Variants in NRXN3 observed in about 807,000 individuals in gnomAD.
The protein encoded by NRXN3 is neurexin 3.
Under a neutral mutation model 137.6 loss-of-function variants are expected in NRXN3, and 32 were observed. The ratio of observed to expected loss-of-function variants is 0.23; its 90% CI spans 0.18 to 0.31. The LOEUF (loss-of-function observed/expected upper bound fraction) is 0.31, where lower values mean the gene tolerates loss of function less well. Among genes scored for constraint, NRXN3 ranks in the 10% least tolerant of loss-of-function variants. NRXN3 has a pLI of 1.00. For missense variants in NRXN3, 1,574 were observed against 2,062.5 expected, an observed-to-expected ratio of 0.76 and a Z score of 4.59; for synonymous variants, 798 against 784.5, an observed-to-expected ratio of 1.02 and a Z score of -0.29.
chr14:78,808,250 G>A (rs1039138641), intron 9 of NRXN3, among the ~76,000 whole-genome samples: 8 of 152,138 alleles, frequency 5.3e-5, no homozygotes, highest in Non-Finnish European at 7.4e-5. Context: ...TTTAAAGACC[G>A]CATCCACTTT....
At chr14:78,231,917 T>C (rs1305378628) in intron 1 of NRXN3, among the ~76,000 whole-genome samples, 1 of 152,186 alleles carries the variant, frequency 6.6e-6, no homozygotes, top group African/African-American at 2.4e-5. Flanking sequence ...AAGGACCAAA[T>C]TGTCATGGGT....
At chr14:79,208,275 A>C (rs1314105292) in intron 15 of NRXN3, among the ~76,000 whole-genome samples, 2 of 152,208 alleles carry the variant, frequency 1.3e-5, no homozygotes, top group Admixed American at 6.5e-5. Flanking sequence ...AATCCAGGAC[A>C]GTTCCTGCAT....
intron 15 of NRXN3, among the ~76,000 whole-genome samples, chr14:79,256,879 G>T (rs1003567080): frequency 3.9e-5 from 6 of 152,302 alleles, no homozygotes; most frequent in Admixed American, 1.3e-4. Flanking sequence ...ATGTGTGTCT[G>T]TGTGCACATG....
At chr14:78,193,609 A>G (rs1313321145) in intron 1 of NRXN3, among the ~76,000 whole-genome samples, 4 of 152,078 alleles carry the variant, frequency 2.6e-5, no homozygotes. Flanking sequence ...TAAAAATACA[A>G]AAATTAGCTG....
intron 4 of NRXN3, among the ~76,000 whole-genome samples, chr14:78,324,891 A>C (rs1275005785): frequency 6.6e-6 from 1 of 151,684 alleles, no homozygotes; most frequent in Non-Finnish European, 1.5e-5. Flanking sequence ...AGGTGAGAAG[A>C]CCCAATTTGG....
chr14:78,952,322 G>A (rs1217896939), intron 10 of NRXN3, among the ~76,000 whole-genome samples: 3 of 152,118 alleles, frequency 2.0e-5, no homozygotes, highest in Admixed American at 2.0e-4. Flanking sequence ...ATCTCTGTTG[G>A]GTTAGACACC....
intron 4 of NRXN3, among the ~76,000 whole-genome samples, chr14:78,427,855 G>A (rs2093721481): frequency 6.6e-6 from 1 of 152,150 alleles, no homozygotes; most frequent in Admixed American, 6.5e-5. Context: ...TTAGCCAGAG[G>A]CATTTCCTGA....
chr14:79,462,100 G>A (rs746584991), intron 15 of NRXN3, among the ~76,000 whole-genome samples: 1 of 152,174 alleles, frequency 6.6e-6, no homozygotes, highest in Non-Finnish European at 1.5e-5. Flanking sequence ...GAGGCCGGGT[G>A]TGGTGGCTCA....
At chr14:78,995,250 G>A (rs1325963485) in intron 15 of NRXN3, among the ~76,000 whole-genome samples, 4 of 152,158 alleles carry the variant, frequency 2.6e-5, no homozygotes, top group Admixed American at 2.6e-4. Context: ...ACACTCAGAT[G>A]AGGCCATTTA....
intron 16 of NRXN3, among the ~76,000 whole-genome samples, chr14:79,509,891 A>G (rs1208595370): frequency 6.6e-6 from 1 of 152,182 alleles, no homozygotes; most frequent in Non-Finnish European, 1.5e-5. Flanking sequence ...AACAAGACCA[A>G]AAAACAACAA....
At chr14:79,084,649 T>G (rs918131632) in intron 15 of NRXN3, among the ~76,000 whole-genome samples, 28 of 152,258 alleles carry the variant, frequency 1.8e-4, no homozygotes, top group Middle Eastern at 6.8e-3. Flanking sequence ...GCATTCAGGG[T>G]GATAGGTAAA....
intron 4 of NRXN3, among the ~76,000 whole-genome samples, chr14:78,569,428 G>A (rs764115686): frequency 6.6e-6 from 1 of 151,544 alleles, no homozygotes; most frequent in African/African-American, 2.4e-5. Flanking sequence ...ACCACGCCCA[G>A]CTAATTTTTT....
intron 14 of NRXN3, among the ~76,000 whole-genome samples, chr14:78,977,663 A>G (rs2099472803): frequency 6.6e-6 from 1 of 152,118 alleles, no homozygotes; most frequent in South Asian, 2.1e-4. Context: ...AGCAAGTATC[A>G]ACTCCCACCT....
At chr14:78,214,644 G>A (rs1039856833) in intron 1 of NRXN3, among the ~76,000 whole-genome samples, 20 of 152,166 alleles carry the variant, frequency 1.3e-4, no homozygotes, top group African/African-American at 4.6e-4. Context: ...AAGAAAATAA[G>A]TGTTGAAACA....
chr14:78,557,093 C>T (rs1422072780), intron 4 of NRXN3, among the ~76,000 whole-genome samples: 1 of 149,852 alleles, frequency 6.7e-6, no homozygotes, highest in Admixed American at 6.7e-5. Context: ...CTCTGCCACC[C>T]AGGCTGCAGT....
At chr14:78,203,148 A>G (rs2061836742) in intron 1 of NRXN3, among the ~76,000 whole-genome samples, 1 of 152,182 alleles carries the variant, frequency 6.6e-6, no homozygotes, top group South Asian at 2.1e-4. Context: ...TTCCCCTGGG[A>G]ATGTGCCCTG....
intron 4 of NRXN3, among the ~76,000 whole-genome samples, chr14:78,600,526 G>T (rs891350645): frequency 1.3e-5 from 2 of 152,268 alleles, no homozygotes; most frequent in South Asian, 4.2e-4. Context: ...ACACCTGATT[G>T]TCCTCTTTCT....
chr14:78,921,758 T>C (rs865988529), intron 10 of NRXN3, among the ~76,000 whole-genome samples: 19 of 152,182 alleles, frequency 1.2e-4, no homozygotes, highest in Admixed American at 2.0e-4. Flanking sequence ...ATACATGAAA[T>C]TTTAAATTCC....
chr14:79,040,992 G>A (rs1274266342), intron 15 of NRXN3, among the ~76,000 whole-genome samples: 1 of 152,086 alleles, frequency 6.6e-6, no homozygotes, highest in Non-Finnish European at 1.5e-5. Flanking sequence ...CCTGCAGGCT[G>A]TTCTTTCCTT....
Sources: allele counts gnomAD v4.1 joint callset (sites outside exome capture counted in the v4.1 genomes callset), GRCh38; gene constraint gnomAD v4.1.1; transcripts MANE v1.5; gene names NCBI Gene and HGNC (gene_info 2026-07-23, HGNC 2026-07-21).